FIRRM: variants seen among roughly 807,000 people sequenced by gnomAD.
FIRRM encodes the protein FIGNL1-interacting regulator of recombination and mitosis.
At chr1:169,820,743 C>T in the FIRRM span, among the ~76,000 whole-genome samples, 338 of 152,308 alleles carry the variant, frequency 2.2e-3, 12 homozygotes, top group East Asian at 0.038. Context: ...CTAATTGGTG[C>T]TGCAGTCTGC....
the FIRRM span, among the ~76,000 whole-genome samples, chr1:169,801,597 CAAAAAA>C: frequency 1.4e-4 from 17 of 124,420 alleles, no homozygotes; most frequent in East Asian, 2.3e-4. Context: ...ACCCTTAATT[CAAAAAA>C]AAAAAAAAAA....
chr1:169,827,598 A>G, the FIRRM span: 1 of 1,153,388 alleles, frequency 8.7e-7, no homozygotes, highest in Non-Finnish European at 1.3e-6. Context: ...AGATTACACC[A>G]CTGCACTCCA....
chr1:169,814,251 C>T, the FIRRM span, among the ~76,000 whole-genome samples: 1 of 152,042 alleles, frequency 6.6e-6, no homozygotes, highest in Non-Finnish European at 1.5e-5. Context: ...CAAAACTTAG[C>T]ACACAGAGAC....
the FIRRM span, among the ~76,000 whole-genome samples, chr1:169,824,241 A>C: frequency 5.3e-5 from 8 of 152,216 alleles, no homozygotes; most frequent in South Asian, 1.2e-3. Flanking sequence ...CCATATATTC[A>C]TTCCCTCACT....
chr1:169,807,801 A>G, the FIRRM span: 1 of 1,592,642 alleles, frequency 6.3e-7, no homozygotes. Flanking sequence ...GCAGAGCCTT[A>G]AGCACCAGTC....
At chr1:169,804,733 GAGTGC>G in the FIRRM span, among the ~76,000 whole-genome samples, 1 of 151,812 alleles carries the variant, frequency 6.6e-6, no homozygotes, top group South Asian at 2.1e-4. Context: ...GCCCAGGCTG[GAGTGC>G]AGTGGCACAA....
At chr1:169,800,461 A>G in the FIRRM span, among the ~76,000 whole-genome samples, 1 of 152,220 alleles carries the variant, frequency 6.6e-6, no homozygotes, top group African/African-American at 2.4e-5. Context: ...CTAATCTGAA[A>G]TGGTTAAGAT....
chr1:169,839,540 G>A, the FIRRM span, among the ~76,000 whole-genome samples: 1 of 152,106 alleles, frequency 6.6e-6, no homozygotes. Flanking sequence ...CCTCTTGTGT[G>A]TCTTGTTTTG....
At chr1:169,784,562 C>T in the FIRRM span, among the ~76,000 whole-genome samples, 2 of 152,162 alleles carry the variant, frequency 1.3e-5, no homozygotes, top group Non-Finnish European at 2.9e-5. Flanking sequence ...TGCTTGCTTG[C>T]TTGCTTTAAT....
At chr1:169,847,313 TAA>T in the FIRRM span, among the ~76,000 whole-genome samples, 288 of 86,300 alleles carry the variant, frequency 3.3e-3, 1 homozygote, top group African/African-American at 7.2e-3. Context: ...CTTATATTTC[TAA>T]AAAAAAAAAA....
the FIRRM span, among the ~76,000 whole-genome samples, chr1:169,797,248 T>C: frequency 1.3e-5 from 2 of 152,216 alleles, no homozygotes; most frequent in African/African-American, 4.8e-5. Context: ...AGCTTCACTA[T>C]TTTAACAAAT....
the FIRRM span, among the ~76,000 whole-genome samples, chr1:169,802,221 G>A: frequency 9.7e-3 from 1,475 of 152,306 alleles, 24 homozygotes; most frequent in African/African-American, 0.033. Context: ...AGGCGATTCA[G>A]TGCAAATTCC....
At chr1:169,848,193 ATATTTT>A in the FIRRM span, among the ~76,000 whole-genome samples, 1 of 152,188 alleles carries the variant, frequency 6.6e-6, no homozygotes, top group Non-Finnish European at 1.5e-5. Context: ...TTTAAAGACG[ATATTTT>A]TGAAAGTGTT....
the FIRRM span, among the ~76,000 whole-genome samples, chr1:169,807,380 T>A: frequency 2.6e-5 from 4 of 152,236 alleles, no homozygotes; most frequent in African/African-American, 9.6e-5. Context: ...ATAAGTTAGA[T>A]TAGGTCTCTC....
At chr1:169,853,004 G>T in the FIRRM span, 1 of 1,612,314 alleles carries the variant, frequency 6.2e-7, no homozygotes. Flanking sequence ...TCACTAGGCA[G>T]AACTGGGTTT....
the FIRRM span, chr1:169,851,797 T>A: frequency 6.2e-7 from 1 of 1,610,284 alleles, no homozygotes; most frequent in Non-Finnish European, 8.5e-7. Context: ...ATTTGCTTGG[T>A]TTTTCATGGT....
chr1:169,825,911 T>C, the FIRRM span, among the ~76,000 whole-genome samples: 1 of 152,246 alleles, frequency 6.6e-6, no homozygotes, highest in East Asian at 1.9e-4. Context: ...ACATAAGTTT[T>C]GATTGAAGTT....
chr1:169,827,854 T>C, the FIRRM span: 2 of 1,613,220 alleles, frequency 1.2e-6, no homozygotes, highest in Non-Finnish European at 1.7e-6. Flanking sequence ...GCAAACATGT[T>C]TTTATCCAGT....
At chr1:169,793,227 G>C in the FIRRM span, 79 of 1,614,052 alleles carry the variant, frequency 4.9e-5, no homozygotes, top group Non-Finnish European at 6.3e-5. Context: ...CCTGTAATCA[G>C]ATCAGAGTGA....
Sources: gnomAD v4.1 joint callset for allele counts (sites outside exome capture counted in the v4.1 genomes callset) on GRCh38, gnomAD v4.1.1 for gene constraint, MANE v1.5 for transcripts, NCBI Gene and HGNC (gene_info 2026-07-23, HGNC 2026-07-21) for gene names.